Variants in UBA2 observed in about 807,000 individuals in gnomAD.
The protein encoded by UBA2 is ubiquitin like modifier activating enzyme 2, also known as SUMO-activating enzyme subunit 2.
In UBA2, 11 loss-of-function variants were observed where a neutral mutation model predicts 77.2. The observed-to-expected ratio is 0.14, with a 90% CI of 0.09 to 0.24. The LOEUF is 0.24. Among genes scored for constraint, UBA2 ranks in the 10% least tolerant of loss-of-function variants. The probability of loss-of-function intolerance (pLI) is 1.00; values close to 1 mark genes in which losing one functional copy is unlikely to be tolerated. For synonymous variants in UBA2, 278 were observed against 276.7 expected, an observed-to-expected ratio of 1.00 and a Z score of -0.05; for missense variants, 487 against 781.7, an observed-to-expected ratio of 0.62 and a Z score of 4.50.
intron 8 of UBA2, among the ~76,000 whole-genome samples, chr19:34,445,499 G>A (rs1233789226): frequency 6.8e-6 from 1 of 146,360 alleles, no homozygotes; most frequent in East Asian, 2.1e-4. Flanking sequence ...GAGTGCAGTG[G>A]CACGATCTCG....
At chr19:34,460,382 A>C (rs895520000) in intron 13 of UBA2, 88 bp from the exon 14 acceptor site, 24 of 864,822 alleles carry the variant, frequency 2.8e-5, no homozygotes, top group Non-Finnish European at 4.1e-5. Context: ...TAGAAGGGGA[A>C]AGTAAGAGCC....
chr19:34,440,047 A>G (rs536459951), intron 6 of UBA2, among the ~76,000 whole-genome samples: 3 of 151,894 alleles, frequency 2.0e-5, no homozygotes, highest in Non-Finnish European at 4.4e-5. Context: ...CTAAGTGCCC[A>G]GTGCGGTGGC....
intron 12 of UBA2, 35 bp from the exon 13 acceptor site, chr19:34,458,734 G>C: frequency 1.3e-6 from 2 of 1,586,490 alleles, no homozygotes; most frequent in South Asian, 2.3e-5. Flanking sequence ...ATTACAGCAC[G>C]TTTCCGATTT....
intron 5 of UBA2, among the ~76,000 whole-genome samples, chr19:34,435,334 G>T (rs924458689): frequency 6.6e-6 from 1 of 152,242 alleles, no homozygotes; most frequent in Admixed American, 6.5e-5. Flanking sequence ...AGAGGCAGAG[G>T]TTGCAGTAAG....
chr19:34,438,336 C>T (rs1444793678), intron 5 of UBA2, among the ~76,000 whole-genome samples: 3 of 151,744 alleles, frequency 2.0e-5, no homozygotes, highest in Non-Finnish European at 4.4e-5. Flanking sequence ...AGTAGTTTTT[C>T]TGTTTAGTGT....
intron 6 of UBA2, among the ~76,000 whole-genome samples, chr19:34,440,307 C>CAAAAAAA (rs60873964): frequency 1.1e-5 from 1 of 90,398 alleles, no homozygotes; most frequent in African/African-American, 3.8e-5. Flanking sequence ...GATGATGTTT[C>CAAAAAAA]AAAAAAAAAA....
chr19:34,436,724 A>G (rs556214278), intron 5 of UBA2, among the ~76,000 whole-genome samples: 6,111 of 118,328 alleles, frequency 0.052, 185 homozygotes, highest in Admixed American at 0.15. Context: ...TTTTGAAACT[A>G]TAGAAAGAGA....
intron 6 of UBA2, among the ~76,000 whole-genome samples, chr19:34,442,244 A>G (rs1011100144): frequency 6.6e-6 from 1 of 152,190 alleles, no homozygotes; most frequent in Non-Finnish European, 1.5e-5. Flanking sequence ...CACACAAAAA[A>G]GATAATCTGG....
At chr19:34,432,013 T>TA (rs1336044006) in intron 3 of UBA2, 82 bp downstream of exon 3, 60 of 1,078,568 alleles carry the variant, frequency 5.6e-5, no homozygotes, top group Middle Eastern at 2.4e-4. Flanking sequence ...TCAGCTTTTT[T>TA]AAAAAAAATG....
At position 34,443,465 on chromosome 19, in the gene UBA2, G is replaced by A. The variant is rs1310660214; in HGVS notation, c.582-379G>A. ...ACTTTTTTTTTTTTTTTTTTGAGAC[G>A]GAGTCTTGCTCTGTTGCCCAGGCCG... is the stretch of plus-strand genomic sequence containing the variant. On this transcript the variant is annotated intron_variant, in intron 6 of 16. Transcript: ENST00000246548. Among the ~76,000 whole-genome samples the A allele has an allele frequency of 1.1e-4, 15 of 133,326 alleles. No individual in the cohort carries two copies. In the East Asian group the frequency reaches 2.4e-3, roughly 22 times the overall value. 87.5% of individuals were successfully genotyped at this position (133,326 alleles called of 152,430 possible).
chr19:34,454,473 G>T lies in UBA2; in HGVS notation c.1162G>T (p.Ala388Ser). ...GGCAGGGAACATTATTCCTGCTATT[G>T]CTACTACTAATGCAGTAATTGCTGG... ...SMAGNIIPAI[A>S]TTNAVIAGLI... The change falls in exon 12 of 17, where the codon GCT (alanine) becomes TCT (serine). Residue 388 changes from alanine (A) to serine (S), a missense_variant. By Grantham distance (99) the Ala-to-Ser change is moderately conservative. Around this residue, in one of 9 missense-constraint regions of UBA2, gnomAD observed 300 missense variants for 454.3 expected, o/e 0.66. Coordinates refer to ENST00000246548, the MANE Select transcript of UBA2 (RefSeq NM_005499.3). 1 of 1,599,476 alleles carries T rather than the reference G, an allele frequency of 6.3e-7. No individual in the cohort carries two copies. Among genetic ancestry groups the T allele is most frequent in the Non-Finnish European group, 8.5e-7 (1 of 1,175,410 alleles).
chr19:34,442,265 A>G (rs1264273638), intron 6 of UBA2, among the ~76,000 whole-genome samples: 1 of 152,180 alleles, frequency 6.6e-6, no homozygotes, highest in African/African-American at 2.4e-5. Flanking sequence ...CAAAATTAAT[A>G]TGAGCAGCAT....
chr19:34,442,066 C>G (rs1416264700), intron 6 of UBA2, among the ~76,000 whole-genome samples: 1 of 151,958 alleles, frequency 6.6e-6, no homozygotes, highest in Non-Finnish European at 1.5e-5. Context: ...GAAACCCCAT[C>G]ACTACAAAAA....
intron 3 of UBA2, among the ~76,000 whole-genome samples, chr19:34,432,702 C>T (rs762546881): frequency 1.2e-4 from 19 of 152,074 alleles, no homozygotes; most frequent in Non-Finnish European, 1.8e-4. Context: ...GGATTACAGG[C>T]GCACGCCACC....
intron 6 of UBA2, among the ~76,000 whole-genome samples, chr19:34,440,369 A>G (rs2075355768): frequency 6.6e-6 from 1 of 152,170 alleles, no homozygotes; most frequent in African/African-American, 2.4e-5. Flanking sequence ...ACCTTAGAGC[A>G]ATGTAAGTAG....
chr19:34,454,193 C>G (rs1212801065), intron 10 of UBA2, 67 bp from the exon 11 acceptor site: 2 of 1,334,780 alleles, frequency 1.5e-6, no homozygotes, highest in Non-Finnish European at 2.1e-6. Flanking sequence ...AAGTATTGTT[C>G]TGAAAGTAAT....
rs2075716108 is a variant in UBA2, at chr19:34,469,158, C to G, written c.1860C>G (p.Leu620=). Residue 620 remains leucine, a synonymous_variant, in exon 17 of 17, where the codon CTC becomes CTG. Coordinates refer to ENST00000246548, the MANE Select transcript of UBA2 (RefSeq NM_005499.3). ...RKRKLDEKEN[L]SAKRSRIEQK... ...GGAAATTAGATGAGAAAGAGAATCTCAGTGCAAAGAGGTCACGTATAGAAC... is the reference window on the plus strand; with the variant it reads ...GGAAATTAGATGAGAAAGAGAATCTGAGTGCAAAGAGGTCACGTATAGAAC... The G allele has an allele frequency of 6.2e-7, 1 of 1,613,316 alleles. No individual in the cohort carries two copies. Among genetic ancestry groups the G allele is most frequent in the Non-Finnish European group, 8.5e-7 (1 of 1,179,768 alleles).
intron 12 of UBA2, among the ~76,000 whole-genome samples, chr19:34,457,179 A>AAATATATATATATATATATAT (rs1262007864): frequency 3.8e-5 from 2 of 53,224 alleles, no homozygotes; most frequent in Admixed American, 2.0e-4. Context: ...AAAAAAAAAA[A>AAATATATATATATATATATAT]ATATATATAT....
chr19:34,428,663 G>A, intron 1 of UBA2, 93 bp downstream of exon 1: 1 of 990,018 alleles, frequency 1.0e-6, no homozygotes, highest in Middle Eastern at 3.4e-4. Context: ...GAGGCTCAGG[G>A]CCCGGAGCCC....
Sources: gnomAD v4.1 joint callset for allele counts (sites outside exome capture counted in the v4.1 genomes callset) on GRCh38, gnomAD v4.1.1 for gene constraint, gnomAD v4.1.1 regional missense constraint, MANE v1.5 for transcripts, NCBI Gene and HGNC (gene_info 2026-07-23, HGNC 2026-07-21) for gene names.